Variants in HACL1 observed in about 807,000 individuals in gnomAD.
The protein encoded by HACL1 is 1600020H07Rik.
In HACL1, 64 loss-of-function variants were observed where a neutral mutation model predicts 74.2. That is an observed-to-expected ratio of 0.86 (90% confidence interval 0.70 to 1.06). The LOEUF is 1.06. Ranked by LOEUF, HACL1 falls within the 50% of genes least tolerant of loss-of-function variation. The pLI, the probability that HACL1 is intolerant of heterozygous loss-of-function variation, is 0.00. For missense variants in HACL1, 728 were observed against 719.7 expected, an observed-to-expected ratio of 1.01 and a Z score of -0.13; for synonymous variants, 230 against 238.8, an observed-to-expected ratio of 0.96 and a Z score of 0.34.
chr3:15,601,248 A>C (rs1574959106), intron 1 of HACL1, 54 bp from the exon 2 acceptor site: 4 of 1,538,490 alleles, frequency 2.6e-6, no homozygotes, highest in Admixed American at 3.3e-5. Flanking sequence ...ATATCGCCAC[A>C]TCCTTCCCTC....
At position 15,571,783 on chromosome 3, in the gene HACL1, A is replaced by AC. The variant is rs755340391; in HGVS notation, c.994-15_994-14insG. ...TTCCTCTAAAAGCTTAAAAAAAAAAAAACACACACACACAAACACATAAAC... is the reference window on the plus strand; with the variant it reads ...TTCCTCTAAAAGCTTAAAAAAAAAAACAACACACACACACAAACACATAAAC... On this transcript the variant is annotated splice_polypyrimidine_tract_variant and intron_variant, in intron 11 of 16. Transcript: ENST00000321169. 272 of 908,336 alleles carry AC rather than the reference A, an allele frequency of 3.0e-4. No homozygotes were observed. Among genetic ancestry groups the AC allele is most frequent in the East Asian group, 2.1e-3 (80 of 38,996 alleles). 56.3% of individuals were successfully genotyped at this position (908,336 alleles called of 1,614,324 possible).
chr3:15,584,188 G>A (rs2063756056), intron 7 of HACL1, among the ~76,000 whole-genome samples: 1 of 152,156 alleles, frequency 6.6e-6, no homozygotes, highest in African/African-American at 2.4e-5. Context: ...GGCTTACAGA[G>A]TTAACTTACC....
intron 3 of HACL1, among the ~76,000 whole-genome samples, chr3:15,595,026 C>G (rs1393449830): frequency 6.6e-6 from 1 of 152,104 alleles, no homozygotes; most frequent in South Asian, 2.1e-4. Flanking sequence ...ACTGGGGAAG[C>G]TGAGGCATGA....
At chr3:15,561,276 A>G (rs747731411) in intron 16 of HACL1, among the ~76,000 whole-genome samples, 2 of 152,246 alleles carry the variant, frequency 1.3e-5, no homozygotes, top group Non-Finnish European at 2.9e-5. Flanking sequence ...TTCCAGAACT[A>G]ACACCATCCT....
intron 16 of HACL1, among the ~76,000 whole-genome samples, chr3:15,562,068 T>G (rs1385582786): frequency 1.3e-5 from 2 of 152,170 alleles, no homozygotes; most frequent in African/African-American, 4.8e-5. Flanking sequence ...GTTACCAAAC[T>G]AACATCCCAG....
chr3:15,578,626 AT>A (rs901156269), intron 9 of HACL1, among the ~76,000 whole-genome samples: 1 of 151,956 alleles, frequency 6.6e-6, no homozygotes. Context: ...GAAATGTCAG[AT>A]TTTTTTTCTT....
intron 2 of HACL1, among the ~76,000 whole-genome samples, 181 bp from the exon 3 acceptor site, chr3:15,596,605 T>A (rs1474588364): frequency 6.6e-6 from 1 of 152,256 alleles, no homozygotes; most frequent in Non-Finnish European, 1.5e-5. Flanking sequence ...AAATTTTAGT[T>A]TTTCAGGAAA....
At chr3:15,599,966 G>C (rs948699365) in intron 2 of HACL1, among the ~76,000 whole-genome samples, 2 of 152,142 alleles carry the variant, frequency 1.3e-5, no homozygotes, top group Non-Finnish European at 2.9e-5. Context: ...ACAGATGAAA[G>C]AACAGAATGT....
chr3:15,593,980 T>C (rs1184396386), intron 3 of HACL1, among the ~76,000 whole-genome samples: 1 of 151,924 alleles, frequency 6.6e-6, no homozygotes, highest in Non-Finnish European at 1.5e-5. Flanking sequence ...GTATTTTTAG[T>C]AGAGACGGGG....
At chr3:15,565,654 G>C (rs541724735) in intron 14 of HACL1, among the ~76,000 whole-genome samples, 1 of 152,372 alleles carries the variant, frequency 6.6e-6, no homozygotes, top group South Asian at 2.1e-4. Flanking sequence ...TAACAGGACT[G>C]TGGTAATTAT....
intron 6 of HACL1, among the ~76,000 whole-genome samples, 179 bp downstream of exon 6, chr3:15,586,346 T>C (rs1300071976): frequency 6.6e-6 from 1 of 152,220 alleles, no homozygotes; most frequent in African/African-American, 2.4e-5. Flanking sequence ...TTTACCTCTC[T>C]ATAATTAAAT....
intron 13 of HACL1, 98 bp downstream of exon 13, chr3:15,568,334 G>T: frequency 1.3e-6 from 1 of 775,606 alleles, no homozygotes. Flanking sequence ...TACTAAACAT[G>T]TATTAATTCT....
At chr3:15,582,083 A>G (rs1413286695) in intron 8 of HACL1, among the ~76,000 whole-genome samples, 1 of 152,164 alleles carries the variant, frequency 6.6e-6, no homozygotes, top group Non-Finnish European at 1.5e-5. Context: ...CTATCAAACT[A>G]TTTTTAGTTT....
chr3:15,582,783 A>G, intron 8 of HACL1, 94 bp downstream of exon 8: 2 of 618,390 alleles, frequency 3.2e-6, no homozygotes, highest in Non-Finnish European at 2.9e-6. Flanking sequence ...TCCAATCTCA[A>G]ACATTAGAAT....
chr3:15,590,060 T>TAAAA (rs1367614160), intron 4 of HACL1, among the ~76,000 whole-genome samples: 2 of 147,430 alleles, frequency 1.4e-5, no homozygotes, highest in Admixed American at 7.6e-5. Flanking sequence ...AATTGTAGAT[T>TAAAA]AAAAAATATC....
At chr3:15,592,543 T>C (rs188522443) in intron 3 of HACL1, among the ~76,000 whole-genome samples, 632 of 143,790 alleles carry the variant, frequency 4.4e-3, no homozygotes, top group African/African-American at 0.016. Flanking sequence ...TATACACATG[T>C]ACGCACATGT....
At chr3:15,587,587 T>C (rs1470046506) in intron 5 of HACL1, among the ~76,000 whole-genome samples, 3 of 152,304 alleles carry the variant, frequency 2.0e-5, no homozygotes, top group African/African-American at 7.2e-5. Flanking sequence ...AGGAAAAAAA[T>C]ATGTAGTGGA....
chr3:15,568,039 G>T (rs776315362), intron 13 of HACL1, 37 bp from the exon 14 acceptor site: 9 of 1,586,492 alleles, frequency 5.7e-6, no homozygotes, highest in Non-Finnish European at 7.8e-6. Flanking sequence ...ACCCTCTGGG[G>T]CATGTCATAG....
Position 15,568,467 on chromosome 3 carries a change from T to C in HACL1, c.1215A>G (p.Gly405=). The part of the protein sequence containing the change: ...VSEGANTMDI[G]RTVLQNYLPR... ...GAAGGTAGTTCTGAAGCACAGTCCGTCCAATGTCCATAGTATTTGCTCCTT... is the reference window on the plus strand; with the variant it reads ...GAAGGTAGTTCTGAAGCACAGTCCGCCCAATGTCCATAGTATTTGCTCCTT... The change falls in exon 13 of 17, where the codon GGA becomes GGG. Residue 405 remains glycine (G), a synonymous_variant. Coordinates refer to ENST00000321169, the MANE Select transcript of HACL1 (RefSeq NM_012260.4). 6.2e-7 allele frequency: 1 copy of C among 1,606,054 alleles called. No homozygotes were observed. The highest frequency in any genetic ancestry group is 8.5e-7 in the Non-Finnish European group (1 of 1,174,346).
Sources: gnomAD v4.1 joint callset for allele counts (sites outside exome capture counted in the v4.1 genomes callset) on GRCh38, gnomAD v4.1.1 for gene constraint, MANE v1.5 for transcripts, NCBI Gene and HGNC (gene_info 2026-07-23, HGNC 2026-07-21) for gene names.